The following CHST11 variants were observed in gnomAD, a reference collection of about 807,000 sequenced individuals.
CHST11 encodes the protein carbohydrate sulfotransferase 11.
In CHST11, 9 loss-of-function variants were observed where a neutral mutation model predicts 30.4. That is an observed-to-expected ratio of 0.30 (90% confidence interval 0.18 to 0.52). CHST11 has a LOEUF of 0.52. CHST11 is among the 20% of genes least tolerant of loss of function. The probability of loss-of-function intolerance (pLI) is 0.97; values close to 1 mark genes in which losing one functional copy is unlikely to be tolerated. For synonymous variants in CHST11, 152 were observed against 187.8 expected, an observed-to-expected ratio of 0.81 and a Z score of 1.56; for missense variants, 348 against 460.6, an observed-to-expected ratio of 0.76 and a Z score of 2.24.
chr12:104,560,397 G>A (rs1292844349), intron 1 of CHST11, among the ~76,000 whole-genome samples: 1 of 152,174 alleles, frequency 6.6e-6, no homozygotes, highest in Admixed American at 6.5e-5. Context: ...GAGTGGGAAG[G>A]TTTGGTTGAG....
intron 1 of CHST11, among the ~76,000 whole-genome samples, chr12:104,506,963 G>A (rs559020875): frequency 1.7e-4 from 26 of 152,286 alleles, no homozygotes; most frequent in South Asian, 1.2e-3. Context: ...TGGGAGCAGA[G>A]GCAGGTGCTG....
intron 2 of CHST11, among the ~76,000 whole-genome samples, chr12:104,708,795 C>T (rs1566047714): frequency 6.6e-6 from 1 of 152,202 alleles, no homozygotes; most frequent in Non-Finnish European, 1.5e-5. Context: ...CTCCATCTTC[C>T]CCCATCTCCA....
intron 1 of CHST11, among the ~76,000 whole-genome samples, chr12:104,464,359 C>T (rs2037438474): frequency 1.3e-5 from 2 of 152,226 alleles, no homozygotes; most frequent in South Asian, 4.2e-4. Context: ...GTCACTGTGC[C>T]CAGCTCTACT....
intron 1 of CHST11, among the ~76,000 whole-genome samples, chr12:104,572,163 G>C (rs1248714428): frequency 1.3e-5 from 2 of 151,376 alleles, no homozygotes; most frequent in Non-Finnish European, 2.9e-5. Flanking sequence ...AGGGATATTG[G>C]TCTAAAATTC....
chr12:104,513,628 G>T (rs2037991849), intron 1 of CHST11, among the ~76,000 whole-genome samples: 1 of 152,142 alleles, frequency 6.6e-6, no homozygotes, highest in South Asian at 2.1e-4. Flanking sequence ...CTTTCTCCAA[G>T]GCAAGTTGAA....
chr12:104,621,819 A>G (rs530453987), intron 2 of CHST11, among the ~76,000 whole-genome samples: 1 of 152,344 alleles, frequency 6.6e-6, no homozygotes, highest in South Asian at 2.1e-4. Context: ...ATAGAAAACT[A>G]ACATGCACAC....
At chr12:104,554,748 A>C (rs1048872733) in intron 1 of CHST11, among the ~76,000 whole-genome samples, 45 of 152,230 alleles carry the variant, frequency 3.0e-4, no homozygotes, top group African/African-American at 1.0e-3. Context: ...TCCATGACTT[A>C]AAAACAGGTG....
intron 1 of CHST11, among the ~76,000 whole-genome samples, chr12:104,562,783 C>G (rs2038526508): frequency 6.6e-6 from 1 of 152,156 alleles, no homozygotes; most frequent in South Asian, 2.1e-4. Flanking sequence ...CTTTGGGGGC[C>G]CTACCTGAGC....
At chr12:104,547,808 A>G (rs1324330740) in intron 1 of CHST11, among the ~76,000 whole-genome samples, 1 of 152,204 alleles carries the variant, frequency 6.6e-6, no homozygotes, top group African/African-American at 2.4e-5. Flanking sequence ...TGAATTTATT[A>G]TGAGAATTAA....
chr12:104,620,146 G>A (rs1010419367), intron 2 of CHST11, among the ~76,000 whole-genome samples: 5 of 152,096 alleles, frequency 3.3e-5, no homozygotes, highest in African/African-American at 1.2e-4. Flanking sequence ...GTCCCCTAAA[G>A]GTATTTTGTC....
intron 1 of CHST11, among the ~76,000 whole-genome samples, chr12:104,570,722 G>T (rs1186145852): frequency 7.0e-6 from 1 of 142,590 alleles, no homozygotes; most frequent in African/African-American, 2.6e-5. Context: ...ACTGAGTCTC[G>T]CTCTGTCACC....
intron 1 of CHST11, among the ~76,000 whole-genome samples, chr12:104,507,182 T>A (rs1024062114): frequency 8.5e-5 from 13 of 152,166 alleles, no homozygotes; most frequent in African/African-American, 3.1e-4. Context: ...GTTGCAGAGC[T>A]CCCGGGGAGG....
At chr12:104,741,685 C>A (rs558610650) in intron 2 of CHST11, among the ~76,000 whole-genome samples, 1 of 152,148 alleles carries the variant, frequency 6.6e-6, no homozygotes, top group Admixed American at 6.5e-5. Flanking sequence ...GATATTAAGT[C>A]GCCATGAGCC....
chr12:104,577,438 A>G (rs1343025985), intron 1 of CHST11, among the ~76,000 whole-genome samples: 2 of 152,042 alleles, frequency 1.3e-5, no homozygotes, highest in African/African-American at 2.4e-5. Flanking sequence ...GGTGCTTAAT[A>G]AGTGCTTTCA....
chr12:104,601,810 C>A, intron 1 of CHST11, 96 bp from the exon 2 acceptor site: 1 of 936,884 alleles, frequency 1.1e-6, no homozygotes, highest in Non-Finnish European at 1.7e-6. Context: ...TCTTTCTTTC[C>A]TGCCTGTTTC....
rs151296240 is a variant in CHST11 at position 104,734,342 on chromosome 12, G to A, written c.205-22607G>A. 2.6e-3 allele frequency among the ~76,000 whole-genome samples: 396 copies of A among 152,306 alleles called. 3 individuals carry two copies. The highest frequency in any genetic ancestry group is 9.0e-3 in the African/African-American group (375 of 41,562). Reference sequence around the variant, plus strand: ...GTTGGCCTCAGGATCACAGGGGCACGATCCCTCCTGAAGGACCAGCAGTTC... The same window carrying A: ...GTTGGCCTCAGGATCACAGGGGCACAATCCCTCCTGAAGGACCAGCAGTTC... On this transcript the variant is annotated intron_variant, in intron 2 of 2. Coordinates refer to ENST00000303694, the MANE Select transcript of CHST11 (RefSeq NM_018413.6).
At chr12:104,571,227 G>A (rs577225828) in intron 1 of CHST11, among the ~76,000 whole-genome samples, 3 of 148,804 alleles carry the variant, frequency 2.0e-5, no homozygotes, top group South Asian at 2.1e-4. Context: ...GCAATGGCCC[G>A]ATCTCAGCTT....
chr12:104,554,226 C>T (rs1038033881), intron 1 of CHST11, among the ~76,000 whole-genome samples: 1 of 152,092 alleles, frequency 6.6e-6, no homozygotes, highest in Admixed American at 6.5e-5. Flanking sequence ...GCTGTGAATA[C>T]CAGGATTTGG....
At chr12:104,737,940 G>A (rs577224889) in intron 2 of CHST11, among the ~76,000 whole-genome samples, 22 of 152,204 alleles carry the variant, frequency 1.4e-4, no homozygotes, top group Admixed American at 4.6e-4. Context: ...CTCCCTTGGA[G>A]GCATCAGTTG....
Sources: allele counts gnomAD v4.1 joint callset (sites outside exome capture counted in the v4.1 genomes callset), GRCh38; gene constraint gnomAD v4.1.1; transcripts MANE v1.5; gene names NCBI Gene and HGNC (gene_info 2026-07-23, HGNC 2026-07-21).